Variants in SPIRE1 observed in about 807,000 individuals in gnomAD.
SPIRE1 encodes the protein spire type actin nucleation factor 1, also known as protein spire homolog 1.
A neutral mutation model predicts 94.1 loss-of-function variants in SPIRE1; 40 were observed. The ratio of observed to expected loss-of-function variants is 0.43; its 90% CI spans 0.33 to 0.55. SPIRE1 has a LOEUF of 0.55. Ranked by LOEUF, SPIRE1 falls within the 20% of genes least tolerant of loss-of-function variation. The pLI, the probability that SPIRE1 is intolerant of heterozygous loss-of-function variation, is 0.06. For missense variants in SPIRE1, 838 were observed against 975.2 expected (o/e 0.86, Z 1.87); for synonymous variants, 376 against 371.7 (o/e 1.01, Z -0.13).
chr18:12,653,431 T>C (rs760473448), intron 1 of SPIRE1: 8 of 152,216 alleles, frequency 5.3e-5, no homozygotes, highest in Admixed American at 1.3e-4. Flanking sequence ...TCCTCACTTA[T>C]GCCCCAATCC....
At chr18:12,634,116 C>T (rs553027429) in intron 2 of SPIRE1, among the ~76,000 whole-genome samples, 23 of 151,856 alleles carry the variant, frequency 1.5e-4, no homozygotes, top group African/African-American at 5.3e-4. Context: ...GGCGCGGTGG[C>T]GGGCGCCTGT....
intron 12 of SPIRE1, 128 bp from the exon 13 acceptor site, chr18:12,454,611 G>A: frequency 1.2e-6 from 1 of 801,114 alleles, no homozygotes; most frequent in Non-Finnish European, 2.1e-6. Context: ...ATGACCACTG[G>A]GGCAGAGCTG....
rs113087137 is a variant in SPIRE1, at chr18:12,639,161, G to T, written c.338-4065C>A. On this transcript the variant is annotated intron_variant, in intron 1 of 16. Transcript: ENST00000409402. ...TTTTGAGACGGAGTCTCGCTCTGTC[G>T]CCCAGGCTGGAGTGCAGTGGCATGA... Among the ~76,000 whole-genome samples the T allele has an allele frequency of 4.6e-5, 7 of 151,212 alleles. No homozygotes were observed. In the East Asian group the frequency reaches 1.2e-3, roughly 25 times the overall value.
chr18:12,651,099 C>T (rs935211833), intron 1 of SPIRE1, among the ~76,000 whole-genome samples: 3 of 152,046 alleles, frequency 2.0e-5, no homozygotes, highest in African/African-American at 7.2e-5. Context: ...AACTATTTGC[C>T]CTTACATCAC....
intron 7 of SPIRE1, among the ~76,000 whole-genome samples, chr18:12,495,504 A>T (rs1453920949): frequency 6.6e-6 from 1 of 152,190 alleles, no homozygotes; most frequent in Non-Finnish European, 1.5e-5. Context: ...ATATGACCAG[A>T]TTTTGCACCA....
intron 2 of SPIRE1, among the ~76,000 whole-genome samples, chr18:12,626,882 A>AT (rs1182060790): frequency 9.6e-5 from 5 of 52,136 alleles, no homozygotes; most frequent in Non-Finnish European, 1.6e-4. Context: ...ATATATATAT[A>AT]TATATTTTTT....
intron 1 of SPIRE1, among the ~76,000 whole-genome samples, chr18:12,652,839 A>G (rs890946289): frequency 6.6e-6 from 1 of 152,236 alleles, no homozygotes; most frequent in Non-Finnish European, 1.5e-5. Context: ...ATTAAAATCA[A>G]TTACTACCAC....
intron 2 of SPIRE1, among the ~76,000 whole-genome samples, chr18:12,548,152 AG>A (rs567676633): frequency 3.3e-5 from 5 of 152,334 alleles, no homozygotes; most frequent in African/African-American, 1.2e-4. Context: ...GACTTATTAC[AG>A]GGACTCAATA....
At chr18:12,634,861 A>G (rs1431696767) in intron 2 of SPIRE1, among the ~76,000 whole-genome samples, 2 of 151,794 alleles carry the variant, frequency 1.3e-5, no homozygotes, top group Non-Finnish European at 2.9e-5. Context: ...CTTGAACTCA[A>G]GAGGCAGAGG....
chr18:12,569,081 C>T (rs938083324), intron 2 of SPIRE1, among the ~76,000 whole-genome samples: 3 of 152,182 alleles, frequency 2.0e-5, no homozygotes, highest in African/African-American at 7.2e-5. Context: ...TGGCTCATGC[C>T]TGCAATCCCA....
rs1345452411 is a variant in SPIRE1, at chr18:12,549,436, G to GTTTTTTTTTTTT, written c.373-2533_373-2532insAAAAAAAAAAAA. ...TTGCTTTTTGTTTGTTTTTGTTATTGTTGTTTTTTTTTTTTTTTTTTTTTT... is the reference window on the plus strand; with the variant it reads ...TTGCTTTTTGTTTGTTTTTGTTATTGTTTTTTTTTTTTTTGTTTTTTTTTTTTTTTTTTTTTT... On this transcript the variant is annotated intron_variant, in intron 2 of 16. Coordinates refer to ENST00000409402, the MANE Select transcript of SPIRE1 (RefSeq NM_001128626.2). Among the ~76,000 whole-genome samples, 98 of 51,926 alleles carry GTTTTTTTTTTTT rather than the reference G, an allele frequency of 1.9e-3. 6 individuals carry two copies. Among genetic ancestry groups the GTTTTTTTTTTTT allele is most frequent in the Non-Finnish European group, 2.9e-3 (79 of 26,820 alleles). The allele number at this position is 51,926 out of a possible 152,430, so 34.1% of individuals were successfully genotyped here.
chr18:12,533,937 A>ACACACACG (rs2034764457), intron 4 of SPIRE1, among the ~76,000 whole-genome samples: 1 of 77,812 alleles, frequency 1.3e-5, no homozygotes, highest in African/African-American at 3.2e-5. Flanking sequence ...TCCATTACAC[A>ACACACACG]CACACACACA....
chr18:12,545,222 T>A (rs2144269124), intron 3 of SPIRE1, among the ~76,000 whole-genome samples: 1 of 152,320 alleles, frequency 6.6e-6, no homozygotes, highest in Admixed American at 6.5e-5. Flanking sequence ...ACACATCAAA[T>A]TTCTATTTGT....
At chr18:12,651,092 T>A (rs1438391059) in intron 1 of SPIRE1, among the ~76,000 whole-genome samples, 1 of 152,240 alleles carries the variant, frequency 6.6e-6, no homozygotes, top group Non-Finnish European at 1.5e-5. Context: ...TGACTAGAAC[T>A]ATTTGCCCTT....
intron 2 of SPIRE1, among the ~76,000 whole-genome samples, chr18:12,602,618 A>G (rs539556786): frequency 6.6e-6 from 1 of 152,224 alleles, no homozygotes; most frequent in South Asian, 2.1e-4. Context: ...CAGTATAATA[A>G]AAGGGCTGAA....
chr18:12,452,497 C>G lies in SPIRE1; in HGVS notation c.1863G>C (p.Gln621His). Reference sequence around the variant, plus strand: ...AAGCTTAGCTTACCTTTTTGCAACACTGTGAGCACACCGGCCTGTAAACAA... The same window carrying G: ...AAGCTTAGCTTACCTTTTTGCAACAGTGTGAGCACACCGGCCTGTAAACAA... Reference protein sequence around the residue: ...CQFCKRPVCSQCCKKMRLPSK... With the variant: ...CQFCKRPVCSHCCKKMRLPSK... The change falls in exon 15 of 17, where the codon CAG becomes CAC. Residue 621 changes from glutamine (Q) to histidine (H), a missense_variant. By Grantham distance (24) the Gln-to-His change is conservative. This residue lies in a region of SPIRE1 where 645 missense variants were observed against 804.7 expected (regional missense o/e 0.80). Coordinates refer to ENST00000409402, the MANE Select transcript of SPIRE1 (RefSeq NM_001128626.2). 6.2e-7 allele frequency: 1 copy of G among 1,613,884 alleles called. No homozygotes were observed. The highest frequency in any genetic ancestry group is 8.5e-7 in the Non-Finnish European group (1 of 1,180,020).
chr18:12,635,120 A>T (rs200067961), intron 1 of SPIRE1, 24 bp from the exon 2 acceptor site: 7 of 1,276,044 alleles, frequency 5.5e-6, no homozygotes, highest in African/African-American at 1.5e-5. Context: ...GAAAAGGATT[A>T]CTTTAAAAAG....
chr18:12,454,630 T>TCACTATGTCACCA, intron 12 of SPIRE1, 147 bp from the exon 13 acceptor site: 1 of 670,036 alleles, frequency 1.5e-6, no homozygotes. Context: ...TGGCTCCCTC[T>TCACTATGTCACCA]GGGGACCACA....
intron 2 of SPIRE1, among the ~76,000 whole-genome samples, chr18:12,549,821 G>A (rs974805774): frequency 1.3e-5 from 2 of 151,950 alleles, no homozygotes; most frequent in Non-Finnish European, 2.9e-5. Flanking sequence ...TAGAGCTGGG[G>A]GGAGAAAAAT....
Sources: allele counts gnomAD v4.1 joint callset (sites outside exome capture counted in the v4.1 genomes callset), GRCh38; gene constraint gnomAD v4.1.1; regional missense constraint gnomAD v4.1.1; transcripts MANE v1.5; gene names NCBI Gene and HGNC (gene_info 2026-07-23, HGNC 2026-07-21).